AP2A1: variants seen among roughly 807,000 people sequenced by gnomAD.
The protein encoded by AP2A1 is AP-2 complex subunit alpha-1.
Under a neutral mutation model 107.3 loss-of-function variants are expected in AP2A1, and 21 were observed. The ratio of observed to expected loss-of-function variants is 0.20; its 90% CI spans 0.14 to 0.28. The LOEUF (loss-of-function observed/expected upper bound fraction) is 0.28. AP2A1 is among the 10% of genes least tolerant of loss of function. The pLI is 1.00. For synonymous variants in AP2A1, 602 were observed against 564.8 expected (o/e 1.07, Z -0.93); for missense variants, 873 against 1,307.7 (o/e 0.67, Z 5.13).
chr19:49,772,170 G>A (rs1203955274), intron 1 of AP2A1, among the ~76,000 whole-genome samples: 3 of 147,446 alleles, frequency 2.0e-5, no homozygotes, highest in Admixed American at 6.8e-5. Context: ...CTATCCTCCC[G>A]CCTCAGCCTC....
intron 4 of AP2A1, among the ~76,000 whole-genome samples, chr19:49,790,116 G>A (rs918350250): frequency 6.6e-5 from 10 of 152,170 alleles, no homozygotes; most frequent in African/African-American, 2.4e-4. Flanking sequence ...TCCATCTCAC[G>A]GGGCTAAAAT....
intron 9 of AP2A1, 34 bp downstream of exon 9, chr19:49,799,529 A>AC (rs746548689): frequency 5.2e-5 from 83 of 1,605,112 alleles, no homozygotes; most frequent in Non-Finnish European, 6.7e-5. Flanking sequence ...CGGGCCTGCC[A>AC]CCCCCCTCAG....
intron 12 of AP2A1, 132 bp downstream of exon 12, chr19:49,801,190 G>A (rs749338657): frequency 2.3e-4 from 237 of 1,019,800 alleles, no homozygotes; most frequent in Non-Finnish European, 3.0e-4. Flanking sequence ...AATCCACCTA[G>A]CAGGGTAAGA....
Position 49,781,826 on chromosome 19 carries a change from G to A in AP2A1, c.136+1G>A. On this transcript the variant is annotated splice_donor_variant, in intron 2 of 22. Transcript: ENST00000354293. LOFTEE classifies it high-confidence loss of function. ...GCCAACATCCGCTCCAAGTTCAAAG[G>A]TAGGCTGGGGGCCCAACTTCTGGTT... The A allele has an allele frequency of 6.2e-7, 1 of 1,610,478 alleles. No individual in the cohort carries two copies. Among genetic ancestry groups the A allele is most frequent in the South Asian group, 1.1e-5 (1 of 90,450 alleles).
At chr19:49,799,918 A>G in intron 10 of AP2A1, 50 bp from the exon 11 acceptor site, 1 of 1,597,396 alleles carries the variant, frequency 6.3e-7, no homozygotes, top group African/African-American at 1.3e-5. Context: ...AGGTGAGTGA[A>G]AGCCCGACAT....
chr19:49,791,226 A>T (rs1459860938), intron 4 of AP2A1, among the ~76,000 whole-genome samples: 2 of 152,124 alleles, frequency 1.3e-5, no homozygotes, highest in East Asian at 1.9e-4. Flanking sequence ...GTTTATTTTT[A>T]AATTTTTTTA....
chr19:49,786,871 C>G (rs1488488416), intron 4 of AP2A1, among the ~76,000 whole-genome samples: 1 of 152,104 alleles, frequency 6.6e-6, no homozygotes, highest in Middle Eastern at 3.2e-3. Context: ...GAGTGGATGC[C>G]GAGGGGTGGT....
chr19:49,801,856 C>T lies in AP2A1; in HGVS notation c.1920C>T (p.Ile640=). 1.3e-6 allele frequency: 2 copies of T among 1,505,240 alleles called. No individual in the cohort carries two copies. Among genetic ancestry groups the T allele is most frequent in the South Asian group, 1.3e-5 (1 of 74,754 alleles). 93.2% of individuals were successfully genotyped at this position (1,505,240 alleles called of 1,614,324 possible). A position where few individuals can be genotyped will look rare whatever the true frequency, so the allele number is the denominator to read the frequency against. ...DGRRDPSSND[I]NGGMEPTPST... ...GGAGGGACCCCAGCAGCAACGACAT[C>T]AACGGGGGCATGGAGCCCACCCCCA... Residue 640 remains isoleucine, a synonymous_variant, in exon 14 of 23, where the codon ATC becomes ATT. Coordinates refer to ENST00000354293, the MANE Select transcript of AP2A1 (RefSeq NM_130787.3).
At chr19:49,806,624 C>T (rs937167101) in intron 22 of AP2A1, 57 bp from the exon 23 acceptor site, 2 of 1,608,866 alleles carry the variant, frequency 1.2e-6, no homozygotes, top group African/African-American at 2.7e-5. Flanking sequence ...CCCTTGGGTC[C>T]CGACTTCCCT....
intron 4 of AP2A1, among the ~76,000 whole-genome samples, chr19:49,787,334 GTTTGTTTTT>G (rs2084750456): frequency 9.2e-6 from 1 of 108,502 alleles, no homozygotes; most frequent in South Asian, 3.0e-4. Flanking sequence ...GGCTTTTTTT[GTTTGTTTTT>G]TTTGTTTTTT....
chr19:49,801,714 C>G lies in AP2A1; in HGVS notation c.1786-8C>G. 1 of 1,551,794 alleles carries G rather than the reference C, an allele frequency of 6.4e-7. No individual in the cohort carries two copies. Among genetic ancestry groups the G allele is most frequent in the Non-Finnish European group, 8.7e-7 (1 of 1,148,636 alleles). ...CCGAACTGACCTTCCCCACCCCGACCGCGCCAGGCCACGGTGCTGGAGGAG... is the reference window on the plus strand; with the variant it reads ...CCGAACTGACCTTCCCCACCCCGACGGCGCCAGGCCACGGTGCTGGAGGAG... On this transcript the variant is annotated splice_region_variant and splice_polypyrimidine_tract_variant and intron_variant, in intron 13 of 22. Transcript: ENST00000354293.
intron 18 of AP2A1, chr19:49,804,460 G>A (rs1373066624): frequency 1.3e-5 from 2 of 151,040 alleles, no homozygotes; most frequent in African/African-American, 4.9e-5. Context: ...AGAGTGGCGT[G>A]AACCCAGGAG....
chr19:49,795,507 T>G, intron 6 of AP2A1, 123 bp from the exon 7 acceptor site: 1 of 679,502 alleles, frequency 1.5e-6, no homozygotes, highest in Non-Finnish European at 2.6e-6. Flanking sequence ...AAAAACCCAC[T>G]AACAAAACCA....
At chr19:49,805,430 C>A in intron 18 of AP2A1, 23 bp from the exon 19 acceptor site, 1 of 1,521,508 alleles carries the variant, frequency 6.6e-7, no homozygotes, top group South Asian at 1.2e-5. Context: ...CTCTGTCTGG[C>A]TTCCTTGACT....
At chr19:49,780,548 GC>G (rs1436337159) in intron 1 of AP2A1, among the ~76,000 whole-genome samples, 12 of 152,168 alleles carry the variant, frequency 7.9e-5, no homozygotes, top group Non-Finnish European at 1.3e-4. Flanking sequence ...GACTTGATGG[GC>G]CGTGGAGTGG....
At chr19:49,806,586 GC>G in intron 22 of AP2A1, 94 bp from the exon 23 acceptor site, 1 of 1,544,116 alleles carries the variant, frequency 6.5e-7, no homozygotes. Context: ...CACCTTTCTG[GC>G]CCCTTTATCC....
intron 5 of AP2A1, among the ~76,000 whole-genome samples, 167 bp downstream of exon 5, chr19:49,792,231 A>G (rs1281127574): frequency 8.5e-6 from 1 of 117,646 alleles, no homozygotes; most frequent in African/African-American, 3.4e-5. Flanking sequence ...CTCAGCCCTC[A>G]CGCCCCCGGA....
chr19:49,794,241 A>G (rs1600233714), intron 6 of AP2A1, among the ~76,000 whole-genome samples: 1 of 136,774 alleles, frequency 7.3e-6, no homozygotes, highest in Non-Finnish European at 1.5e-5. Context: ...TTTTTGAGAC[A>G]GGGTCTTGCT....
chr19:49,806,294 C>T, intron 22 of AP2A1, 41 bp downstream of exon 22: 1 of 1,553,532 alleles, frequency 6.4e-7, no homozygotes, highest in South Asian at 1.2e-5. Flanking sequence ...GCAGGAAGGC[C>T]GCCTGTCATC....
Sources: allele counts gnomAD v4.1 joint callset (sites outside exome capture counted in the v4.1 genomes callset), GRCh38; gene constraint gnomAD v4.1.1; transcripts MANE v1.5; gene names NCBI Gene and HGNC (gene_info 2026-07-23, HGNC 2026-07-21).